Variants in GK observed in about 807,000 individuals in gnomAD.
GK encodes the protein ATP:glycerol 3-phosphotransferase.
In GK, 9 loss-of-function variants were observed where a neutral mutation model predicts 56.4. That is an observed-to-expected ratio of 0.16 (90% confidence interval 0.10 to 0.28). The LOEUF (loss-of-function observed/expected upper bound fraction) is 0.28, where lower values mean the gene tolerates loss of function less well. Ranked by LOEUF, GK falls within the 10% of genes least tolerant of loss-of-function variation. The probability of loss-of-function intolerance (pLI) is 1.00; values close to 1 mark genes in which losing one functional copy is unlikely to be tolerated. For synonymous variants in GK, 104 were observed against 144.1 expected (o/e 0.72, Z 1.99); for missense variants, 161 against 431.4 (o/e 0.37, Z 5.55).
chrX:30,681,070 T>C (rs774113363), intron 4 of GK, among the ~76,000 whole-genome samples: 1 of 111,900 alleles, frequency 8.9e-6, no homozygotes, highest in Non-Finnish European at 1.9e-5. Context: ...GAATTTTTCA[T>C]ACGCATTATC....
Position 30,677,345 on chromosome X carries a change from A to G in GK, c.260-30A>G, listed in dbSNP as rs1933976491. ...TAGTTTCCTACTTGTTAAATTTTTG[A>G]CTTCCTTCTGTTTAACTTTCTCTTT... On this transcript the variant is annotated intron_variant, in intron 3 of 20. Coordinates refer to ENST00000427190, the MANE Select transcript of GK (RefSeq NM_001205019.2). 3.5e-6 allele frequency: 3 copies of G among 853,063 alleles called. No homozygotes were observed. In the East Asian group the frequency reaches 9.3e-5, roughly 26 times the overall value. The allele number at this position is 853,063 out of a possible 1,213,427, so 70.3% of individuals were successfully genotyped here.
At chrX:30,676,946 C>CAA (rs1238163471) in intron 3 of GK, among the ~76,000 whole-genome samples, 1 of 108,688 alleles carries the variant, frequency 9.2e-6, no homozygotes, top group East Asian at 2.8e-4. Flanking sequence ...TACATGTGCA[C>CAA]ACACACACAC....
rs183762528 is a variant in GK, at chrX:30,681,533, C to T, written c.337+4081C>T. On this transcript the variant is annotated intron_variant, in intron 4 of 20. Coordinates refer to ENST00000427190, the MANE Select transcript of GK (RefSeq NM_001205019.2). ...CCAGAAGGAAAGGAATGAGAAAAAA[C>T]GAGGCAGAAATAACATTAGACAGAT... Among the ~76,000 whole-genome samples the T allele has an allele frequency of 5.4e-5, 6 of 111,891 alleles. No homozygotes were observed. The East Asian group carries it at 1.4e-3, about 26-fold the overall frequency.
chrX:30,667,600 C>G (rs2147143878), intron 2 of GK, among the ~76,000 whole-genome samples: 1 of 112,243 alleles, frequency 8.9e-6, no homozygotes, highest in South Asian at 3.6e-4. Flanking sequence ...CCAAATATAT[C>G]ATTCTCAATA....
intron 3 of GK, among the ~76,000 whole-genome samples, chrX:30,669,701 T>C (rs1349648663): frequency 9.0e-6 from 1 of 111,189 alleles, no homozygotes; most frequent in African/African-American, 3.3e-5. Flanking sequence ...AGAACATCAA[T>C]TGGTGGTGGT....
chrX:30,695,395 C>A (rs1449637396), intron 6 of GK, among the ~76,000 whole-genome samples: 1 of 112,305 alleles, frequency 8.9e-6, no homozygotes, highest in Non-Finnish European at 1.9e-5. Flanking sequence ...AAACTGTGAG[C>A]TGCAGGAGAC....
intron 2 of GK, among the ~76,000 whole-genome samples, chrX:30,666,869 A>C (rs910442577): frequency 1.8e-5 from 2 of 112,030 alleles, no homozygotes; most frequent in Non-Finnish European, 3.8e-5. Context: ...AATAAATTAG[A>C]GACGACTTGG....
At chrX:30,688,632 C>A (rs2053719057) in intron 4 of GK, among the ~76,000 whole-genome samples, 1 of 111,277 alleles carries the variant, frequency 9.0e-6, no homozygotes, top group African/African-American at 3.3e-5. Context: ...TTGCCTAGAC[C>A]TGCAACCAGA....
intron 3 of GK, among the ~76,000 whole-genome samples, chrX:30,671,379 G>A (rs1256808210): frequency 9.1e-6 from 1 of 110,173 alleles, no homozygotes; most frequent in East Asian, 2.8e-4. Context: ...TAGGGAAGAG[G>A]ACTTAACTGC....
At chrX:30,671,641 G>T (rs886788549) in intron 3 of GK, 1 of 111,929 alleles carries the variant, frequency 8.9e-6, no homozygotes, top group Admixed American at 9.5e-5. Context: ...GTTTTGTTAT[G>T]CTTATCTGAC....
intron 1 of GK, among the ~76,000 whole-genome samples, chrX:30,657,784 A>C (rs1038155070): frequency 8.9e-6 from 1 of 112,038 alleles, no homozygotes; most frequent in African/African-American, 3.2e-5. Context: ...TGGGTTCCCC[A>C]GCTGTGTAGA....
At chrX:30,664,103 T>G (rs780233316) in intron 1 of GK, among the ~76,000 whole-genome samples, 14 of 47,340 alleles carry the variant, frequency 3.0e-4, no homozygotes, top group African/African-American at 1.1e-3. Flanking sequence ...TATATATATT[T>G]TATAGATATA....
At chrX:30,674,525 C>A in intron 3 of GK, 1 of 233,399 alleles carries the variant, frequency 4.3e-6, no homozygotes, top group South Asian at 4.9e-5. Flanking sequence ...TGATTCCCAG[C>A]CCCATCCATC....
chrX:30,719,434 A>T lies in GK; in HGVS notation c.1070A>T (p.Glu357Val), dbSNP rs770387075. The T allele has an allele frequency of 1.5e-5, 17 of 1,172,228 alleles. No individual in the cohort carries two copies. Reference protein sequence around the residue: ...TSEEIEKLAKEVGTSYGCYFV... With the variant: ...TSEEIEKLAKVVGTSYGCYFV... ...TTAATGTTAGAAAAACTTGCTAAAG[A>T]AGTAGGTACTTCTTATGGCTGCTAC... Residue 357 changes from glutamate (E) to valine (V), a missense_variant, in exon 15 of 21, where the codon GAA becomes GTA. Coordinates refer to ENST00000427190, the MANE Select transcript of GK (RefSeq NM_001205019.2).
intron 6 of GK, chrX:30,695,069 C>A (rs1160742290): frequency 2.3e-6 from 1 of 429,019 alleles, no homozygotes; most frequent in Non-Finnish European, 3.8e-6. Context: ...CTCACATATT[C>A]TTTCTCCCCA....
chrX:30,723,691 T>G (rs766579244), intron 18 of GK: 23 of 207,097 alleles, frequency 1.1e-4, no homozygotes, highest in Non-Finnish European at 1.7e-4. Context: ...GGTGTGATCT[T>G]GGCTCACTGC....
At chrX:30,672,066 C>T (rs1337046290) in intron 3 of GK, 1 of 102,214 alleles carries the variant, frequency 9.8e-6, no homozygotes, top group Non-Finnish European at 2.0e-5. Flanking sequence ...ACGCTTGAAC[C>T]CAGGAGGCAG....
At chrX:30,709,332 A>G (rs1412084746) in intron 13 of GK, among the ~76,000 whole-genome samples, 1 of 111,519 alleles carries the variant, frequency 9.0e-6, no homozygotes, top group African/African-American at 3.3e-5. Context: ...AATGTGAAAA[A>G]CCTTCTCCTG....
chrX:30,728,982 A>G lies in GK; in HGVS notation c.*240A>G, dbSNP rs999391729. On this transcript the variant is annotated 3_prime_UTR_variant, in exon 21 of 21. Coordinates refer to ENST00000427190, the MANE Select transcript of GK (RefSeq NM_001205019.2). ...AAACATCCACAGTTAAGGTTGGGCCAGCTACCTTTGGGGCTGACCCCCTCC... is the reference window on the plus strand; with the variant it reads ...AAACATCCACAGTTAAGGTTGGGCCGGCTACCTTTGGGGCTGACCCCCTCC... 2.5e-6 allele frequency: 1 copy of G among 392,426 alleles called. No homozygotes were observed. Among genetic ancestry groups the G allele is most frequent in the Non-Finnish European group, 4.4e-6 (1 of 224,959 alleles). 32.3% of individuals were successfully genotyped at this position (392,426 alleles called of 1,213,427 possible).
Sources: allele counts gnomAD v4.1 joint callset (sites outside exome capture counted in the v4.1 genomes callset), GRCh38; gene constraint gnomAD v4.1.1; transcripts MANE v1.5; gene names NCBI Gene and HGNC (gene_info 2026-07-23, HGNC 2026-07-21).